PHGDH: variants seen among roughly 807,000 people sequenced by gnomAD.
PHGDH encodes the protein phosphoglycerate dehydrogenase, also known as D-3-phosphoglycerate dehydrogenase.
A neutral mutation model predicts 52.6 loss-of-function variants in PHGDH; 50 were observed. The ratio of observed to expected loss-of-function variants is 0.95; its 90% confidence interval spans 0.76 to 1.20. PHGDH has a LOEUF of 1.20. Among genes scored for constraint, PHGDH ranks in the 50% most tolerant of loss-of-function variants. The pLI, the probability that PHGDH is intolerant of heterozygous loss-of-function variation, is 0.00. For missense variants in PHGDH, 630 were observed against 684.6 expected (o/e 0.92, Z 0.89); for synonymous variants, 271 against 280.5 (o/e 0.97, Z 0.34).
intron 5 of PHGDH, among the ~76,000 whole-genome samples, chr1:119,733,240 A>G (rs1313897719): frequency 6.6e-6 from 1 of 152,206 alleles, no homozygotes. Context: ...TGATGAAAAA[A>G]GGGATCCAGA....
chr1:119,734,650 C>A lies in PHGDH; in HGVS notation c.527C>A (p.Pro176His). The A allele has an allele frequency of 6.2e-7, 1 of 1,614,094 alleles. No homozygotes were observed. The highest frequency in any genetic ancestry group is 8.5e-7 in the Non-Finnish European group (1 of 1,179,944). The change falls in exon 6 of 12, where the codon CCC (proline) becomes CAC (histidine). Residue 176 changes from proline (P) to histidine (H), a missense_variant. Transcript: ENST00000641023. ...TCCAACCAGACTATAGGGTATGACC[C>A]CATCATTTCCCCAGAGGTCTCGGCC... Reference protein sequence around the residue: ...SFGMKTIGYDPIISPEVSASF... With the variant: ...SFGMKTIGYDHIISPEVSASF...
chr1:119,727,868 A>C (rs749590051), intron 5 of PHGDH, among the ~76,000 whole-genome samples: 82 of 152,126 alleles, frequency 5.4e-4, no homozygotes, highest in Admixed American at 1.1e-3. Flanking sequence ...CGAATGAGGC[A>C]GTGTTGATTA....
chr1:119,741,292 C>T (rs1197427188), intron 9 of PHGDH, among the ~76,000 whole-genome samples: 1 of 152,190 alleles, frequency 6.6e-6, no homozygotes, highest in Non-Finnish European at 1.5e-5. Context: ...CAGGGAAGGG[C>T]AGAGCCAGGG....
chr1:119,730,573 A>G (rs1390051153), intron 5 of PHGDH, among the ~76,000 whole-genome samples: 1 of 152,212 alleles, frequency 6.6e-6, no homozygotes, highest in Non-Finnish European at 1.5e-5. Flanking sequence ...GATGTTAAGA[A>G]AAAAACATGT....
chr1:119,729,274 T>TCCCTCCTC (rs919105960), intron 5 of PHGDH, among the ~76,000 whole-genome samples: 3 of 152,170 alleles, frequency 2.0e-5, no homozygotes, highest in African/African-American at 7.2e-5. Context: ...CAAAGAGCAC[T>TCCCTCCTC]CCCTCCTCCA....
intron 1 of PHGDH, among the ~76,000 whole-genome samples, chr1:119,714,790 T>C (rs1650853423): frequency 6.6e-6 from 1 of 152,144 alleles, no homozygotes; most frequent in Admixed American, 6.5e-5. Flanking sequence ...GAGGCCCTGG[T>C]TGCTGTCACT....
At chr1:119,726,179 AGTGTGTGTGTGTGTGTGTGTGTGTGT>A (rs55671458) in intron 3 of PHGDH, among the ~76,000 whole-genome samples, 7 of 131,174 alleles carry the variant, frequency 5.3e-5, no homozygotes, top group Non-Finnish European at 8.0e-5. Context: ...GGCTGTGAAG[AGTGTGTGTGTGTGTGTGTGTGTGTGT>A]GTGTGTGTGT....
intron 5 of PHGDH, among the ~76,000 whole-genome samples, chr1:119,728,219 A>T (rs587764481): frequency 6.6e-6 from 1 of 152,260 alleles, no homozygotes; most frequent in East Asian, 1.9e-4. Context: ...TAGGATCACC[A>T]AGGTTGCTGC....
intron 5 of PHGDH, 137 bp downstream of exon 5, chr1:119,727,239 T>C: frequency 1.4e-6 from 1 of 703,316 alleles, no homozygotes; most frequent in Non-Finnish European, 2.6e-6. Context: ...AAATAAGTGT[T>C]AAAGTCAAGG....
intron 1 of PHGDH, chr1:119,719,589 C>G (rs1349862380): frequency 6.6e-6 from 1 of 152,216 alleles, no homozygotes; most frequent in Non-Finnish European, 1.5e-5. Flanking sequence ...TGCTCTTGAA[C>G]AATTCTTCCA....
chr1:119,715,643 C>G (rs1329283257), intron 1 of PHGDH, among the ~76,000 whole-genome samples: 1 of 152,160 alleles, frequency 6.6e-6, no homozygotes, highest in African/African-American at 2.4e-5. Context: ...CAATGGATTC[C>G]CATTGCTGAG....
chr1:119,743,723 C>T, intron 11 of PHGDH, 163 bp from the exon 12 acceptor site: 1 of 736,396 alleles, frequency 1.4e-6, no homozygotes, highest in Non-Finnish European at 2.5e-6. Flanking sequence ...GGAAGCTGAG[C>T]AGATGCCCTG....
intron 3 of PHGDH, among the ~76,000 whole-genome samples, chr1:119,725,993 AAAC>A (rs1341835289): frequency 6.6e-6 from 1 of 151,984 alleles, no homozygotes; most frequent in Admixed American, 6.6e-5. Flanking sequence ...AGTGCTCCTT[AAAC>A]ATTGTTTCTC....
chr1:119,715,654 T>C (rs587618240), intron 1 of PHGDH: 96 of 152,290 alleles, frequency 6.3e-4, no homozygotes, highest in African/African-American at 2.1e-3. Context: ...CATTGCTGAG[T>C]TAGCAGTTTG....
In PHGDH at chr1:119,726,441, A is replaced by T. The variant is rs1401258020; in HGVS notation, c.357-410A>T. Among the ~76,000 whole-genome samples the T allele has an allele frequency of 5.3e-5, 8 of 152,260 alleles. 2 individuals are homozygous for T. The highest frequency in any genetic ancestry group is 6.5e-5 in the Admixed American group (1 of 15,284). ...AAGACGTCATAGGTTATGGTGCTGG[A>T]TGAGATAGGTAGATCAAAATAATTC... On this transcript the variant is annotated intron_variant, in intron 3 of 11. Coordinates refer to ENST00000641023, the MANE Select transcript of PHGDH (RefSeq NM_006623.4).
intron 3 of PHGDH, chr1:119,724,776 C>T (rs1570995298): frequency 2.2e-6 from 1 of 456,428 alleles, no homozygotes; most frequent in Non-Finnish European, 4.4e-6. Context: ...ACTTTCCCTC[C>T]TTTTCCAGGA....
rs752236796 is a variant in PHGDH at position 119,727,054 on chromosome 1, C to A, written c.462C>A (p.Gly154=). The A allele has an allele frequency of 3.7e-6, 6 of 1,613,282 alleles. No homozygotes were observed. Among genetic ancestry groups the A allele is most frequent in the Non-Finnish European group, 4.2e-6 (5 of 1,179,246 alleles). The change falls in exon 5 of 12, where the codon GGC becomes GGA. Residue 154 remains glycine (G), a synonymous_variant. Coordinates refer to ENST00000641023, the MANE Select transcript of PHGDH (RefSeq NM_006623.4). The part of the protein sequence containing the change: ...NGKTLGILGL[G]RIGREVATRM... ...AGACCCTGGGAATTCTTGGCCTGGGCAGGATTGGGAGAGAGGTAGCTACCC... is the reference window on the plus strand; with the variant it reads ...AGACCCTGGGAATTCTTGGCCTGGGAAGGATTGGGAGAGAGGTAGCTACCC...
Position 119,743,920 on chromosome 1 carries a change from C to T in PHGDH, c.1482C>T (p.Ser494=). 1 of 1,613,858 alleles carries T rather than the reference C, an allele frequency of 6.2e-7. No individual in the cohort carries two copies. The highest frequency in any genetic ancestry group is 8.5e-7 in the Non-Finnish European group (1 of 1,179,712). The part of the protein sequence containing the change: ...LLAEAGVRLL[S]YQTSLVSDGE... ...CAGAGGCAGGCGTGCGGCTGCTGTC[C>T]TACCAGACTTCACTGGTGTCAGATG... Residue 494 remains serine (S), a synonymous_variant, in exon 12 of 12, where the codon TCC becomes TCT. Transcript: ENST00000641023.
Position 119,735,374 on chromosome 1 carries a change from C to G in PHGDH, c.723C>G (p.Asp241Glu). The change falls in exon 7 of 12, where the codon GAC becomes GAG. Residue 241 changes from aspartate to glutamate, a missense_variant. Physicochemically the swap from Asp to Glu is conservative, Grantham distance 45. Transcript: ENST00000641023. Reference sequence around the variant, plus strand: ...ACTGTGCCCGTGGAGGGATCGTGGACGAAGGCGCCCTGCTCCGGGCCCTGC... The same window carrying G: ...ACTGTGCCCGTGGAGGGATCGTGGAGGAAGGCGCCCTGCTCCGGGCCCTGC... ...VVNCARGGIV[D>E]EGALLRALQS... 6.2e-7 allele frequency: 1 copy of G among 1,614,190 alleles called. No individual in the cohort carries two copies. The highest frequency in any genetic ancestry group is 8.5e-7 in the Non-Finnish European group (1 of 1,180,034).
Sources: gnomAD v4.1 joint callset for allele counts (sites outside exome capture counted in the v4.1 genomes callset) on GRCh38, gnomAD v4.1.1 for gene constraint, MANE v1.5 for transcripts, NCBI Gene and HGNC (gene_info 2026-07-23, HGNC 2026-07-21) for gene names.